Variants in PCDHGA9 observed in about 807,000 individuals in gnomAD.
PCDHGA9 encodes the protein protocadherin gamma subfamily A, 9, also known as protocadherin gamma-A9.
Under a neutral mutation model 62.5 loss-of-function variants are expected in PCDHGA9, and 37 were observed. The observed-to-expected ratio is 0.59, with a 90% CI of 0.46 to 0.78. The LOEUF is 0.78. Ranked by LOEUF, PCDHGA9 falls within the 30% of genes least tolerant of loss-of-function variation. The pLI, the probability that PCDHGA9 is intolerant of heterozygous loss-of-function variation, is 0.00. For synonymous variants in PCDHGA9, 459 were observed against 484.6 expected (o/e 0.95, Z 0.69); for missense variants, 1,138 against 1,166.2 (o/e 0.98, Z 0.35).
intron 1 of PCDHGA9, chr5:141,412,090 T>C (rs1008718786): frequency 3.3e-5 from 5 of 152,218 alleles, no homozygotes; most frequent in Admixed American, 2.0e-4. Flanking sequence ...ACTGGGTTGA[T>C]GGGCACACAC....
At chr5:141,414,155 A>G in intron 1 of PCDHGA9, 1 of 1,601,706 alleles carries the variant, frequency 6.2e-7, no homozygotes, top group Non-Finnish European at 8.5e-7. Context: ...CAAGCAGAAG[A>G]TGGAGGAGCA....
At position 141,487,148 on chromosome 5, in the gene PCDHGA9, G is replaced by A; in HGVS notation, c.2425-7659G>A. ...TGGTAGTCCACCACTCTCTACCTCT[G>A]TTACTCTCTTAGTGTCCTTAGAGGA... On this transcript the variant is annotated intron_variant, in intron 1 of 3. Transcript: ENST00000573521. This position sits in a 1 kb window ranked among gnomAD's most constrained non-coding sequence, Gnocchi z 5.0. The A allele has an allele frequency of 6.2e-7, 1 of 1,614,042 alleles. No homozygotes were observed. The highest frequency in any genetic ancestry group is 8.5e-7 in the Non-Finnish European group (1 of 1,179,922).
rs973617374 is a variant in PCDHGA9, at chr5:141,403,582, G to A, written c.630G>A (p.Leu210=). ...GGGAGGAGGCAACTGCCCACCACCT[G>A]GTCCTCACGGCCTCGGATGGCGGCG... is the stretch of plus-strand genomic sequence containing the variant. ...LDREEATAHH[L]VLTASDGGEP... Residue 210 remains leucine (L), a synonymous_variant, in exon 1 of 4, where the codon CTG becomes CTA. Transcript: ENST00000573521. 6.2e-7 allele frequency: 1 copy of A among 1,613,910 alleles called. No individual in the cohort carries two copies. Among genetic ancestry groups the A allele is most frequent in the Non-Finnish European group, 8.5e-7 (1 of 1,179,890 alleles).
chr5:141,477,212 C>CCTCT lies in PCDHGA9; in HGVS notation c.2425-17594_2425-17591dup. 6.2e-7 allele frequency: 1 copy of CCTCT among 1,614,166 alleles called. No homozygotes were observed. The highest frequency in any genetic ancestry group is 8.5e-7 in the Non-Finnish European group (1 of 1,180,042). The stretch of plus-strand genomic sequence containing the variant: ...GTACAGCCCAGTACCCGAGGATGCC[C>CCTCT]CTCTGGGGACTGTCATCGCTTTGCT... On this transcript the variant is annotated intron_variant, in intron 1 of 3. Coordinates refer to ENST00000573521, the MANE Select transcript of PCDHGA9 (RefSeq NM_018921.3). This position sits in a 1 kb window ranked among gnomAD's most constrained non-coding sequence, Gnocchi z 4.9.
intron 2 of PCDHGA9, among the ~76,000 whole-genome samples, chr5:141,505,007 C>T (rs1210694913): frequency 6.6e-6 from 1 of 152,050 alleles, no homozygotes; most frequent in Non-Finnish European, 1.5e-5. Flanking sequence ...ACTAAAAATA[C>T]AAAAATTAGC....
At position 141,500,368 on chromosome 5, in the gene PCDHGA9, C is replaced by T. The variant is rs181410708; in HGVS notation, c.2484-5025C>T. Among the ~76,000 whole-genome samples, 364 of 152,050 alleles carry T rather than the reference C, an allele frequency of 2.4e-3. 3 individuals carry two copies. The highest frequency in any genetic ancestry group is 9.2e-3 in the Admixed American group (140 of 15,274). ...GGACTACAGGCGCCCACTACCACGCCCGGCTAATTATTTTGTATTTTTAGT... is the reference window on the plus strand; with the variant it reads ...GGACTACAGGCGCCCACTACCACGCTCGGCTAATTATTTTGTATTTTTAGT... On this transcript the variant is annotated intron_variant, in intron 2 of 3. Transcript: ENST00000573521.
intron 1 of PCDHGA9, among the ~76,000 whole-genome samples, chr5:141,460,653 G>A (rs10058370): frequency 0.17 from 25,559 of 151,914 alleles, 2,196 homozygotes; most frequent in South Asian, 0.22. Flanking sequence ...TTACACATAT[G>A]TAACTGTAAA....
intron 1 of PCDHGA9, among the ~76,000 whole-genome samples, chr5:141,465,905 G>A (rs938438286): frequency 6.6e-6 from 1 of 151,958 alleles, no homozygotes; most frequent in Admixed American, 6.6e-5. Flanking sequence ...GGCAAATCAC[G>A]AGGTCAGGAT....
Position 141,476,788 on chromosome 5 carries a change from C to G in PCDHGA9, c.2425-18019C>G. 1 of 1,613,478 alleles carries G rather than the reference C, an allele frequency of 6.2e-7. No homozygotes were observed. Among genetic ancestry groups the G allele is most frequent in the Non-Finnish European group, 8.5e-7 (1 of 1,180,032 alleles). ...CGTTGGACGGAGGGACCCCAGCTCT[C>G]TCCGCCAGCCTGCCTATTCACATCA... On this transcript the variant is annotated intron_variant, in intron 1 of 3. Coordinates refer to ENST00000573521, the MANE Select transcript of PCDHGA9 (RefSeq NM_018921.3). This position sits in a 1 kb window ranked among gnomAD's most constrained non-coding sequence, Gnocchi z 7.6.
chr5:141,447,023 G>GTTT, intron 1 of PCDHGA9, among the ~76,000 whole-genome samples: 1 of 151,542 alleles, frequency 6.6e-6, no homozygotes, highest in African/African-American at 2.4e-5. Context: ...GTTTTGTTTT[G>GTTT]TTTTTTTTCT....
intron 1 of PCDHGA9, among the ~76,000 whole-genome samples, chr5:141,425,555 A>T (rs1282440598): frequency 6.6e-6 from 1 of 152,270 alleles, no homozygotes; most frequent in African/African-American, 2.4e-5. Flanking sequence ...AACCTCTTTT[A>T]TAAGTGATAA....
chr5:141,500,461 G>A (rs1343646600), intron 2 of PCDHGA9, among the ~76,000 whole-genome samples: 1 of 151,910 alleles, frequency 6.6e-6, no homozygotes, highest in Non-Finnish European at 1.5e-5. Flanking sequence ...CGCCCGCCTC[G>A]GCCTCCCAAA....
chr5:141,429,583 T>A (rs2097226045), intron 1 of PCDHGA9, among the ~76,000 whole-genome samples: 2 of 152,218 alleles, frequency 1.3e-5, no homozygotes, highest in South Asian at 4.1e-4. Flanking sequence ...TTACTTTTGA[T>A]TCTTGTAATT....
Position 141,432,433 on chromosome 5 carries a change from T to C in PCDHGA9, c.2424+27057T>C, listed in dbSNP as rs760107558. 10 of 1,613,996 alleles carry C rather than the reference T, an allele frequency of 6.2e-6. No individual in the cohort carries two copies. The South Asian group carries it at 8.8e-5, about 14-fold the overall frequency. ...TGTTCGTGCTGGACCAGAACGACAA[T>C]GCGCCCGAGATCCTGTACCCCGCCC... On this transcript the variant is annotated intron_variant, in intron 1 of 3. Transcript: ENST00000573521. This position sits in a 1 kb window ranked among gnomAD's most constrained non-coding sequence, Gnocchi z 6.0.
intron 1 of PCDHGA9, among the ~76,000 whole-genome samples, chr5:141,483,302 C>G (rs1262756268): frequency 2.0e-5 from 3 of 152,012 alleles, no homozygotes; most frequent in Admixed American, 6.5e-5. Context: ...AGTGAAGGGA[C>G]TGGGGACATT....
chr5:141,424,076 A>C, intron 1 of PCDHGA9: 2 of 979,452 alleles, frequency 2.0e-6, no homozygotes, highest in Non-Finnish European at 2.5e-6. Flanking sequence ...TTGTAGTTAT[A>C]TTCCACCATT....
chr5:141,486,598 C>T lies in PCDHGA9; in HGVS notation c.2425-8209C>T. 2 of 1,613,604 alleles carry T rather than the reference C, an allele frequency of 1.2e-6. No homozygotes were observed. Among genetic ancestry groups the T allele is most frequent in the Non-Finnish European group, 1.7e-6 (2 of 1,179,998 alleles). ...ACAATCGCCCAGGGGACCTGCTTTG[C>T]TCCCTTGCAGCCTCTGACCCAGACT... On this transcript the variant is annotated intron_variant, in intron 1 of 3. Transcript: ENST00000573521. The surrounding 1 kb of genome is among the most constrained non-coding windows in gnomAD (Gnocchi z 5.0).
At chr5:141,457,514 CAATT>C (rs1258794594) in intron 1 of PCDHGA9, among the ~76,000 whole-genome samples, 2 of 152,260 alleles carry the variant, frequency 1.3e-5, no homozygotes, top group African/African-American at 4.8e-5. Context: ...AGCTTAAAAA[CAATT>C]AATGAGACTA....
intron 1 of PCDHGA9, chr5:141,427,677 C>G: frequency 1.2e-6 from 1 of 816,672 alleles, no homozygotes; most frequent in Non-Finnish European, 2.1e-6. Context: ...AAACAACCTT[C>G]CCGGAGCCTC....
Sources: allele counts gnomAD v4.1 joint callset (sites outside exome capture counted in the v4.1 genomes callset), GRCh38; gene constraint gnomAD v4.1.1; non-coding constraint Gnocchi (gnomAD v3.1); transcripts MANE v1.5; gene names NCBI Gene and HGNC (gene_info 2026-07-23, HGNC 2026-07-21).